Variants in MGA observed in about 807,000 individuals in gnomAD.
The protein encoded by MGA is MAX gene-associated protein.
Under a neutral mutation model 261.1 loss-of-function variants are expected in MGA, and 40 were observed. That is an observed-to-expected ratio of 0.15 (90% CI 0.12 to 0.20). The LOEUF (loss-of-function observed/expected upper bound fraction) is 0.20. MGA is among the 10% of genes least tolerant of loss of function. The pLI, the probability that MGA is intolerant of heterozygous loss-of-function variation, is 1.00. For missense variants in MGA, 3,397 were observed against 3,630.5 expected (o/e 0.94, Z 1.65); for synonymous variants, 1,302 against 1,290.6 (o/e 1.01, Z -0.19).
In MGA at chr15:41,758,984, G is replaced by T. The variant is rs544398035; in HGVS notation, c.7191+1145G>T. 4.9e-4 allele frequency among the ~76,000 whole-genome samples: 74 copies of T among 152,206 alleles called. 1 individual carries two copies. In the South Asian group the frequency reaches 0.015, roughly 30 times the overall value. ...TATAACCTGTGATTAAAATATAGAA[G>T]ACTTAATTTCAGTCTTGAAAATGTG... On this transcript the variant is annotated intron_variant, in intron 19 of 23. Transcript: ENST00000219905.
chr15:41,760,759 G>A (rs937128679), intron 20 of MGA, among the ~76,000 whole-genome samples: 2 of 151,548 alleles, frequency 1.3e-5, no homozygotes, highest in Admixed American at 6.6e-5. Flanking sequence ...CTTTTGAGAC[G>A]GAGTTTTGCT....
chr15:41,746,141 A>T (rs992903376), intron 15 of MGA, among the ~76,000 whole-genome samples: 5 of 152,176 alleles, frequency 3.3e-5, no homozygotes, highest in African/African-American at 1.2e-4. Flanking sequence ...TATATTAAAG[A>T]TTGCTTTCAT....
In MGA at chr15:41,713,204, C is replaced by G; in HGVS notation, c.3138C>G (p.Pro1046=). The change falls in exon 9 of 24, where the codon CCC becomes CCG. Residue 1046 remains proline (P), a synonymous_variant. Coordinates refer to ENST00000219905, the MANE Select transcript of MGA (RefSeq NM_001164273.2). ...CAATCATAAGGAAACGAGCCCCTCC[C>G]TGCAACAATGACTTCTGTCGACTGG... 6.2e-7 allele frequency: 1 copy of G among 1,613,996 alleles called. No homozygotes were observed. The highest frequency in any genetic ancestry group is 2.2e-5 in the East Asian group (1 of 44,892).
chr15:41,736,150 C>G (rs757148080), intron 12 of MGA, 31 bp from the exon 13 acceptor site: 1 of 1,445,830 alleles, frequency 6.9e-7, no homozygotes, highest in Non-Finnish European at 9.1e-7. Flanking sequence ...AATCTTTCAA[C>G]TTTTTCTTTT....
intron 2 of MGA, among the ~76,000 whole-genome samples, chr15:41,693,315 C>T (rs1256274528): frequency 8.0e-6 from 1 of 124,536 alleles, no homozygotes; most frequent in East Asian, 2.8e-4. Flanking sequence ...CCCCTCCCCC[C>T]ACCCCACAAC....
rs181120056 is a variant in MGA, at chr15:41,668,006, G to C, written c.-67-822G>C. ...TTTAATAGAGATGGGGTTTCGCCAT[G>C]TTGGCCAGGCTAGTCTCGAATTCCT... On this transcript the variant is annotated intron_variant, in intron 1 of 23. Transcript: ENST00000219905. 8.5e-5 allele frequency among the ~76,000 whole-genome samples: 13 copies of C among 152,098 alleles called. No homozygotes were observed. In the East Asian group the frequency reaches 2.5e-3, roughly 29 times the overall value.
intron 1 of MGA, among the ~76,000 whole-genome samples, chr15:41,630,499 A>G (rs546171616): frequency 6.6e-6 from 1 of 152,316 alleles, no homozygotes; most frequent in South Asian, 2.1e-4. Context: ...ATCTTACAAT[A>G]CACGATCATA....
Position 41,749,746 on chromosome 15 carries a change from C to T in MGA, c.6139C>T (p.Pro2047Ser), listed in dbSNP as rs995081810. Residue 2047 changes from proline to serine, a missense_variant, in exon 17 of 24, where the codon CCA (proline) becomes TCA (serine). Coordinates refer to ENST00000219905, the MANE Select transcript of MGA (RefSeq NM_001164273.2). Reference sequence around the variant, plus strand: ...AGAAGAAGGTTGTGCAACTGTCAAACCATCTGAGCATTCCTGTATCACTGG... The same window carrying T: ...AGAAGAAGGTTGTGCAACTGTCAAATCATCTGAGCATTCCTGTATCACTGG... 2 of 1,613,988 alleles carry T rather than the reference C, an allele frequency of 1.2e-6. No homozygotes were observed. The highest frequency in any genetic ancestry group is 8.5e-7 in the Non-Finnish European group (1 of 1,179,892).
At chr15:41,621,346 C>G (rs1222514841) in intron 1 of MGA, 2 of 152,262 alleles carry the variant, frequency 1.3e-5, no homozygotes, top group Non-Finnish European at 1.5e-5. Context: ...CTCGTTTCCT[C>G]TTTATGGGTT....
chr15:41,764,410 C>T (rs1197770), intron 22 of MGA, among the ~76,000 whole-genome samples: 22,869 of 151,890 alleles, frequency 0.15, 2,596 homozygotes, highest in East Asian at 0.68. Context: ...CCCGCCACCA[C>T]GCCTGGCTAA....
intron 14 of MGA, 147 bp from the exon 15 acceptor site, chr15:41,742,399 A>G (rs1320361325): frequency 1.9e-6 from 2 of 1,031,262 alleles, no homozygotes; most frequent in Non-Finnish European, 2.7e-6. Flanking sequence ...TAAAAAAGAA[A>G]AAAAAGAAAT....
chr15:41,704,673 C>CA (rs557939350), intron 5 of MGA, among the ~76,000 whole-genome samples: 1 of 151,888 alleles, frequency 6.6e-6, no homozygotes, highest in East Asian at 1.9e-4. Flanking sequence ...CAAAACAAAA[C>CA]AAAAAAAATT....
chr15:41,746,597 A>G (rs552230810), intron 15 of MGA, among the ~76,000 whole-genome samples: 1 of 151,046 alleles, frequency 6.6e-6, no homozygotes, highest in South Asian at 2.1e-4. Flanking sequence ...TTTAAATTGC[A>G]CATGATTATT....
Position 41,736,676 on chromosome 15 carries a change from C to T in MGA, c.4412C>T (p.Ser1471Leu), listed in dbSNP as rs1408243977. The T allele has an allele frequency of 6.2e-7, 1 of 1,611,558 alleles. No individual in the cohort carries two copies. Among genetic ancestry groups the T allele is most frequent in the African/African-American group, 1.3e-5 (1 of 74,948 alleles). The change falls in exon 13 of 24, where the codon TCA (serine) becomes TTA (leucine). Residue 1471 changes from serine to leucine, a missense_variant. By Grantham distance (145) the Ser-to-Leu change is moderately radical. Around this residue, in one of 9 missense-constraint regions of MGA, gnomAD observed 1,410 missense variants for 1,386.4 expected, o/e 1.02. Transcript: ENST00000219905. ...GTGGCCTATAAACGTAAACCCAGTT[C>T]AAGTACATCTGGGCTTATCCAGGTG...
chr15:41,766,108 C>A lies in MGA; in HGVS notation c.8026C>A (p.Pro2676Thr). Residue 2676 changes from proline (P) to threonine (T), a missense_variant, in exon 24 of 24, where the codon CCT becomes ACT. Physicochemically the swap from Pro to Thr is conservative, Grantham distance 38. Transcript: ENST00000219905. ...TGGCAGCAAATATCCTCATGAAGTT[C>A]CTGATAGCAAGCCATCTGACCATCT... The A allele has an allele frequency of 6.2e-7, 1 of 1,613,854 alleles. No individual in the cohort carries two copies. Among genetic ancestry groups the A allele is most frequent in the Admixed American group, 1.7e-5 (1 of 60,008 alleles).
intron 2 of MGA, among the ~76,000 whole-genome samples, chr15:41,673,071 C>A (rs1474386758): frequency 6.6e-6 from 1 of 152,160 alleles, no homozygotes. Context: ...TTTTACCATA[C>A]CATTCACGTG....
At chr15:41,706,021 G>A (rs1294469583) in intron 5 of MGA, among the ~76,000 whole-genome samples, 8 of 151,916 alleles carry the variant, frequency 5.3e-5, no homozygotes, top group African/African-American at 1.5e-4. Context: ...GGCGGATTAC[G>A]AGGTCAGGAT....
Position 41,713,430 on chromosome 15 carries a change from G to T in MGA, c.3364G>T (p.Glu1122Ter). 6.3e-7 allele frequency: 1 copy of T among 1,574,894 alleles called. No individual in the cohort carries two copies. The change falls in exon 9 of 24, where the codon GAA (glutamate) becomes TAA (stop). Residue 1122 changes from glutamate to a stop codon, truncating the protein, a stop_gained. Coordinates refer to ENST00000219905, the MANE Select transcript of MGA (RefSeq NM_001164273.2). LOFTEE classifies it high-confidence loss of function. ...TCTGGGAGAGGAGGCAAGGGAGGAGGAAGAAGGAATCAGGGAGGAGGAGGA... is the reference window on the plus strand; with the variant it reads ...TCTGGGAGAGGAGGCAAGGGAGGAGTAAGAAGGAATCAGGGAGGAGGAGGA...
chr15:41,719,640 G>T (rs1213980817), intron 9 of MGA, among the ~76,000 whole-genome samples: 1 of 152,130 alleles, frequency 6.6e-6, no homozygotes, highest in South Asian at 2.1e-4. Flanking sequence ...TACTTGGGGG[G>T]CTGAGGTGGG....
Sources: allele counts gnomAD v4.1 joint callset (sites outside exome capture counted in the v4.1 genomes callset), GRCh38; gene constraint gnomAD v4.1.1; regional missense constraint gnomAD v4.1.1; transcripts MANE v1.5; gene names NCBI Gene and HGNC (gene_info 2026-07-23, HGNC 2026-07-21).